Variants in KCND2 observed in about 807,000 individuals in gnomAD.
KCND2 encodes potassium voltage-gated channel subfamily D member 2.
In KCND2, 16 loss-of-function variants were observed where a neutral mutation model predicts 54.4. The observed-to-expected ratio is 0.29, with a 90% CI of 0.20 to 0.45. The LOEUF (loss-of-function observed/expected upper bound fraction) is 0.45. Ranked by LOEUF, KCND2 falls within the 20% of genes least tolerant of loss-of-function variation. The pLI, the probability that KCND2 is intolerant of heterozygous loss-of-function variation, is 1.00. For missense variants in KCND2, 486 were observed against 824.2 expected, an observed-to-expected ratio of 0.59 and a Z score of 5.02; for synonymous variants, 317 against 310.7, an observed-to-expected ratio of 1.02 and a Z score of -0.21.
intron 1 of KCND2, among the ~76,000 whole-genome samples, chr7:120,280,516 C>T (rs1410083086): frequency 6.7e-6 from 1 of 149,918 alleles, no homozygotes; most frequent in African/African-American, 2.5e-5. Flanking sequence ...CTTTAGACTA[C>T]TGATAAACTG....
intron 1 of KCND2, among the ~76,000 whole-genome samples, chr7:120,459,072 A>G (rs1244234628): frequency 6.6e-6 from 1 of 152,058 alleles, no homozygotes; most frequent in African/African-American, 2.4e-5. Flanking sequence ...GTTGAAATGC[A>G]TATACCTCAG....
At chr7:120,701,240 T>TAAAAAAAAAAAAAAAAAAAAAAAA (rs34803439) in intron 1 of KCND2, among the ~76,000 whole-genome samples, 1 of 55,098 alleles carries the variant, frequency 1.8e-5, no homozygotes, top group African/African-American at 5.6e-5. Flanking sequence ...AATGCCTAGC[T>TAAAAAAAAAAAAAAAAAAAAAAAA]AAAAAAAAAA....
chr7:120,310,934 C>CAAAA (rs1023300696), intron 1 of KCND2, among the ~76,000 whole-genome samples: 1 of 58,034 alleles, frequency 1.7e-5, no homozygotes, highest in African/African-American at 5.7e-5. Context: ...AGACTCTGTC[C>CAAAA]AAAAAAAAAA....
At chr7:120,589,210 T>C (rs1217626401) in intron 1 of KCND2, among the ~76,000 whole-genome samples, 1 of 152,156 alleles carries the variant, frequency 6.6e-6, no homozygotes, top group Non-Finnish European at 1.5e-5. Context: ...TATAAGTGAA[T>C]AGTAGAATTA....
intron 1 of KCND2, among the ~76,000 whole-genome samples, chr7:120,302,296 T>C (rs1278826647): frequency 6.6e-6 from 1 of 152,134 alleles, no homozygotes; most frequent in Non-Finnish European, 1.5e-5. Flanking sequence ...GTCTCACTCT[T>C]TTGCCCAGGC....
At chr7:120,653,236 G>A (rs1027678748) in intron 1 of KCND2, among the ~76,000 whole-genome samples, 1 of 150,828 alleles carries the variant, frequency 6.6e-6, no homozygotes, top group African/African-American at 2.4e-5. Context: ...GGTAGAGATG[G>A]GGTCTCTCTA....
At chr7:120,574,295 T>C (rs1238580223) in intron 1 of KCND2, among the ~76,000 whole-genome samples, 1 of 152,208 alleles carries the variant, frequency 6.6e-6, no homozygotes, top group Admixed American at 6.5e-5. Flanking sequence ...CACTGTAAAG[T>C]GTCTTTGACC....
chr7:120,452,470 G>C (rs776955425), intron 1 of KCND2, among the ~76,000 whole-genome samples: 1 of 152,134 alleles, frequency 6.6e-6, no homozygotes, highest in Admixed American at 6.5e-5. Flanking sequence ...CAGAGGGAAG[G>C]CACTGGGAGT....
At chr7:120,605,554 ACATTTTC>A (rs1393043807) in intron 1 of KCND2, among the ~76,000 whole-genome samples, 2 of 152,222 alleles carry the variant, frequency 1.3e-5, no homozygotes, top group African/African-American at 4.8e-5. Context: ...ATGTGAATAT[ACATTTTC>A]AATTCTCTTC....
At chr7:120,633,367 T>C (rs1793262738) in intron 1 of KCND2, among the ~76,000 whole-genome samples, 1 of 152,164 alleles carries the variant, frequency 6.6e-6, no homozygotes, top group African/African-American at 2.4e-5. Flanking sequence ...AAGAATGGAC[T>C]GCAATACTGA....
At chr7:120,510,643 G>A (rs937161793) in intron 1 of KCND2, among the ~76,000 whole-genome samples, 1 of 151,976 alleles carries the variant, frequency 6.6e-6, no homozygotes, top group Non-Finnish European at 1.5e-5. Context: ...GAATTACACA[G>A]ATTCTCTACC....
Position 120,312,427 on chromosome 7 carries a change from G to A in KCND2, c.1115+36680G>A, listed in dbSNP as rs535790221. ...CAGTAATGCGATTGCTGGGTCAAACGATATACAACAGGTAATTTTTAGCCA... is the reference window on the plus strand; with the variant it reads ...CAGTAATGCGATTGCTGGGTCAAACAATATACAACAGGTAATTTTTAGCCA... On this transcript the variant is annotated intron_variant, in intron 1 of 5. Transcript: ENST00000331113. Among the ~76,000 whole-genome samples, 5 of 152,032 alleles carry A rather than the reference G, an allele frequency of 3.3e-5. No individual in the cohort carries two copies. The South Asian group carries it at 1.0e-3, about 32-fold the overall frequency.
At chr7:120,739,399 T>C (rs1437424841) in intron 2 of KCND2, among the ~76,000 whole-genome samples, 1 of 152,016 alleles carries the variant, frequency 6.6e-6, no homozygotes, top group Non-Finnish European at 1.5e-5. Context: ...CAAATGTCCT[T>C]TTCACTTGCT....
chr7:120,480,949 G>C (rs1452885406), intron 1 of KCND2, among the ~76,000 whole-genome samples: 1 of 152,132 alleles, frequency 6.6e-6, no homozygotes, highest in African/African-American at 2.4e-5. Flanking sequence ...GTTTAAAACA[G>C]CCTAGATTGC....
chr7:120,366,756 C>G (rs1800689879), intron 1 of KCND2, among the ~76,000 whole-genome samples: 1 of 152,028 alleles, frequency 6.6e-6, no homozygotes, highest in South Asian at 2.1e-4. Flanking sequence ...TGAACATTGT[C>G]TATTCATTTG....
chr7:120,401,075 T>C (rs1451804174), intron 1 of KCND2, among the ~76,000 whole-genome samples: 2 of 152,044 alleles, frequency 1.3e-5, no homozygotes, highest in Non-Finnish European at 2.9e-5. Context: ...AAAGACAAAT[T>C]TGGTAATATG....
chr7:120,474,669 G>A (rs1802508653), intron 1 of KCND2, among the ~76,000 whole-genome samples: 1 of 151,894 alleles, frequency 6.6e-6, no homozygotes, highest in African/African-American at 2.4e-5. Context: ...AGGTGTAGAA[G>A]CAGGAGCACT....
intron 1 of KCND2, among the ~76,000 whole-genome samples, chr7:120,305,784 A>G (rs1051114619): frequency 2.0e-5 from 3 of 152,140 alleles, no homozygotes; most frequent in Non-Finnish European, 2.9e-5. Flanking sequence ...GAATTACAGT[A>G]TTTATAAACT....
chr7:120,665,520 T>C (rs1178465481), intron 1 of KCND2, among the ~76,000 whole-genome samples: 6 of 152,062 alleles, frequency 3.9e-5, no homozygotes, highest in Non-Finnish European at 8.8e-5. Context: ...CTTTATTTTC[T>C]TCCAAGTAAT....
Sources: allele counts gnomAD v4.1 joint callset (sites outside exome capture counted in the v4.1 genomes callset), GRCh38; gene constraint gnomAD v4.1.1; transcripts MANE v1.5; gene names NCBI Gene and HGNC (gene_info 2026-07-23, HGNC 2026-07-21).